The following RB1 variants were observed in gnomAD, a reference collection of about 807,000 sequenced individuals.
RB1 encodes the protein retinoblastoma-associated protein.
Under a neutral mutation model 135.4 loss-of-function variants are expected in RB1, and 18 were observed. The ratio of observed to expected loss-of-function variants is 0.13; its 90% CI spans 0.09 to 0.20. The LOEUF is 0.20. Among genes scored for constraint, RB1 ranks in the 10% least tolerant of loss-of-function variants. The pLI is 1.00. For missense variants in RB1, 868 were observed against 1,110.0 expected (o/e 0.78, Z 3.10); for synonymous variants, 365 against 373.2 (o/e 0.98, Z 0.25).
Position 48,345,127 on chromosome 13 carries a change from A to C in RB1, c.428A>C (p.Lys143Thr), listed in dbSNP as rs1952480749. 1 of 1,613,014 alleles carries C rather than the reference A, an allele frequency of 6.2e-7. No homozygotes were observed. Residue 143 changes from lysine to threonine, a missense_variant, in exon 4 of 27, where the codon AAA (lysine) becomes ACA (threonine). Around this residue, in one of 3 missense-constraint regions of RB1, gnomAD observed 641 missense variants for 791.3 expected, o/e 0.81. Coordinates refer to ENST00000267163, the MANE Select transcript of RB1 (RefSeq NM_000321.3). ...NLLKEIDTST[K>T]VDNAMSRLLK... ...CTAAAAGAAATTGATACCAGTACCA[A>C]AGTTGATAATGCTATGTCAAGACTG...
At chr13:48,374,178 T>C (rs891008549) in intron 12 of RB1, among the ~76,000 whole-genome samples, 2 of 152,180 alleles carry the variant, frequency 1.3e-5, no homozygotes, top group Non-Finnish European at 2.9e-5. Flanking sequence ...GTTAGCATTA[T>C]AGTTTGCAAC....
rs920709937 is a variant in RB1, at chr13:48,317,301, C to A, written c.264+9895C>A. On this transcript the variant is annotated intron_variant, in intron 2 of 26. Coordinates refer to ENST00000267163, the MANE Select transcript of RB1 (RefSeq NM_000321.3). ...CCACAAGGGGTAGGCTGGGCAGGCC[C>A]CAGGCGGGGCCCTCGGACCCCTTGT... 7.6e-6 allele frequency: 3 copies of A among 396,060 alleles called. No individual in the cohort carries two copies. In the East Asian group the frequency reaches 1.3e-4, roughly 17 times the overall value. 24.5% of individuals were successfully genotyped at this position (396,060 alleles called of 1,614,324 possible). A position where few individuals can be genotyped will look rare whatever the true frequency, so the allele number is the denominator to read the frequency against.
intron 2 of RB1, among the ~76,000 whole-genome samples, chr13:48,331,826 A>G (rs1264464559): frequency 1.3e-5 from 2 of 152,220 alleles, no homozygotes; most frequent in African/African-American, 4.8e-5. Context: ...CACAGTCGCA[A>G]AGATATGGAA....
At chr13:48,367,398 A>G in intron 9 of RB1, 96 bp from the exon 10 acceptor site, 2 of 1,330,550 alleles carry the variant, frequency 1.5e-6, no homozygotes, top group South Asian at 1.3e-5. Flanking sequence ...TTAAATGTAT[A>G]TTATACAAAA....
At chr13:48,322,186 A>C (rs1326370158) in intron 2 of RB1, among the ~76,000 whole-genome samples, 1 of 152,214 alleles carries the variant, frequency 6.6e-6, no homozygotes, top group Non-Finnish European at 1.5e-5. Flanking sequence ...TATTTCACTT[A>C]GCATAATGGC....
At chr13:48,339,876 T>C (rs1345206443) in intron 2 of RB1, among the ~76,000 whole-genome samples, 1 of 152,162 alleles carries the variant, frequency 6.6e-6, no homozygotes, top group African/African-American at 2.4e-5. Flanking sequence ...TTGAAAAATT[T>C]TGAATCAAAC....
At chr13:48,475,438 G>A (rs1049990028) in intron 24 of RB1, among the ~76,000 whole-genome samples, 3 of 152,198 alleles carry the variant, frequency 2.0e-5, no homozygotes, top group African/African-American at 4.8e-5. Flanking sequence ...GCTGATCCTC[G>A]ATGGCTATTG....
intron 17 of RB1, among the ~76,000 whole-genome samples, chr13:48,394,182 T>C (rs2138165623): frequency 6.6e-6 from 1 of 152,294 alleles, no homozygotes; most frequent in Non-Finnish European, 1.5e-5. Context: ...CAAGGGAAGC[T>C]GTGACAGACT....
intron 2 of RB1, among the ~76,000 whole-genome samples, chr13:48,324,421 T>C (rs1952266229): frequency 1.7e-5 from 2 of 116,974 alleles, no homozygotes; most frequent in Non-Finnish European, 3.5e-5. Context: ...TCTGTCTCCA[T>C]GAGTTCAATA....
At chr13:48,401,343 G>T (rs1463015224) in intron 17 of RB1, 1 of 152,094 alleles carries the variant, frequency 6.6e-6, no homozygotes, top group Admixed American at 6.6e-5. Flanking sequence ...TAGAATTCTG[G>T]ATATGCAAGA....
chr13:48,367,137 AAG>A (rs1491076656), intron 9 of RB1, among the ~76,000 whole-genome samples: 12 of 151,674 alleles, frequency 7.9e-5, no homozygotes, highest in Middle Eastern at 3.4e-3. Flanking sequence ...AAAAAAAAAA[AAG>A]ATTAAAAGTA....
At chr13:48,412,984 G>C (rs1657222293) in intron 17 of RB1, 1 of 169,240 alleles carries the variant, frequency 5.9e-6, no homozygotes, top group African/African-American at 2.4e-5. Context: ...TTTTCCTGCA[G>C]TGGATCCCAG....
At chr13:48,386,229 A>G (rs1211157316) in intron 17 of RB1, among the ~76,000 whole-genome samples, 1 of 152,182 alleles carries the variant, frequency 6.6e-6, no homozygotes. Context: ...GATACATTCT[A>G]GGAAATACTT....
intron 17 of RB1, chr13:48,411,885 T>G (rs1294537805): frequency 2.5e-6 from 4 of 1,613,840 alleles, no homozygotes; most frequent in Non-Finnish European, 3.4e-6. Flanking sequence ...CCTTGAGAGA[T>G]ATGTTTTCCA....
chr13:48,379,547 A>G, intron 13 of RB1, 47 bp from the exon 14 acceptor site: 1 of 1,569,808 alleles, frequency 6.4e-7, no homozygotes, highest in Non-Finnish European at 8.6e-7. Context: ...CATAATTGTG[A>G]TTTTCTAAAA....
chr13:48,444,588 T>C (rs1435507438), intron 17 of RB1: 2 of 152,300 alleles, frequency 1.3e-5, no homozygotes, highest in African/African-American at 4.8e-5. Flanking sequence ...AGGATACAGA[T>C]GAGGAGATGC....
intron 17 of RB1, chr13:48,429,212 T>G (rs1949105777): frequency 6.6e-6 from 1 of 152,174 alleles, no homozygotes; most frequent in African/African-American, 2.4e-5. Flanking sequence ...CAGAAAATAT[T>G]GTAGACTTAG....
chr13:48,411,403 C>G (rs770987073), intron 17 of RB1: 3 of 1,611,370 alleles, frequency 1.9e-6, no homozygotes, highest in Non-Finnish European at 2.5e-6. Context: ...GCAGCAGATT[C>G]ATTGTCAAAT....
intron 6 of RB1, 92 bp from the exon 7 acceptor site, chr13:48,359,925 A>C (rs1952623606): frequency 2.0e-6 from 3 of 1,535,970 alleles, no homozygotes; most frequent in South Asian, 1.2e-5. Flanking sequence ...TGTTGAATGA[A>C]TAAATTTATG....
Sources: allele counts gnomAD v4.1 joint callset (sites outside exome capture counted in the v4.1 genomes callset), GRCh38; gene constraint gnomAD v4.1.1; regional missense constraint gnomAD v4.1.1; transcripts MANE v1.5; gene names NCBI Gene and HGNC (gene_info 2026-07-23, HGNC 2026-07-21).